Variants in ARAP2 observed in about 807,000 individuals in gnomAD.
ARAP2 encodes the protein ArfGAP with RhoGAP domain, ankyrin repeat and PH domain 2.
ARAP2 carries 148 observed loss-of-function variants against 194.5 expected under a neutral mutation model. That is an observed-to-expected ratio of 0.76 (90% CI 0.67 to 0.87). ARAP2 has a LOEUF of 0.87. Ranked by LOEUF, ARAP2 falls within the 40% of genes least tolerant of loss-of-function variation. The pLI is 0.00. For synonymous variants in ARAP2, 695 were observed against 683.5 expected (o/e 1.02, Z -0.26); for missense variants, 2,128 against 1,989.7 (o/e 1.07, Z -1.32).
At chr4:36,166,079 A>T (rs1012428665) in intron 10 of ARAP2, among the ~76,000 whole-genome samples, 9 of 152,162 alleles carry the variant, frequency 5.9e-5, no homozygotes, top group African/African-American at 2.2e-4. Context: ...AAATGTAAAA[A>T]TAAAGCTTGT....
At chr4:36,009,292 G>T (rs533807791) in intron 9 of ARAP2, among the ~76,000 whole-genome samples, 12 of 152,262 alleles carry the variant, frequency 7.9e-5, no homozygotes, top group Non-Finnish European at 1.8e-4. Context: ...CTACCCAGGT[G>T]TCCATGAACA....
intron 8 of ARAP2, among the ~76,000 whole-genome samples, chr4:36,187,161 C>A (rs1295836149): frequency 6.6e-6 from 1 of 152,154 alleles, no homozygotes; most frequent in African/African-American, 2.4e-5. Context: ...AAGGTTAGCT[C>A]CACGAAAGCA....
intron 19 of ARAP2, among the ~76,000 whole-genome samples, chr4:36,142,817 A>C (rs1728667420): frequency 6.6e-6 from 1 of 151,738 alleles, no homozygotes; most frequent in African/African-American, 2.4e-5. Context: ...AATCACCCTA[A>C]GTAATTTCAC....
intron 26 of ARAP2, among the ~76,000 whole-genome samples, chr4:36,108,083 A>T (rs538929488): frequency 6.6e-6 from 1 of 151,920 alleles, no homozygotes; most frequent in South Asian, 2.1e-4. Flanking sequence ...CCTAGGCTGG[A>T]GTGCAGTGAT....
chr4:36,181,431 G>A (rs1322203311), intron 8 of ARAP2, among the ~76,000 whole-genome samples: 2 of 151,804 alleles, frequency 1.3e-5, no homozygotes, highest in Non-Finnish European at 2.9e-5. Flanking sequence ...AAGAAAAATC[G>A]AGACAATATT....
At chr4:36,188,275 T>C (rs908268527) in intron 7 of ARAP2, among the ~76,000 whole-genome samples, 3 of 152,324 alleles carry the variant, frequency 2.0e-5, no homozygotes, top group South Asian at 2.1e-4. Context: ...CAACTCTTTA[T>C]GTTTTCTGGG....
intron 7 of ARAP2, among the ~76,000 whole-genome samples, chr4:36,188,633 A>G (rs528550851): frequency 2.8e-4 from 43 of 152,204 alleles, no homozygotes; most frequent in Non-Finnish European, 5.9e-4. Context: ...CCAAGGACAC[A>G]TTATAGAAGG....
chr4:36,060,429 ATG>A (rs1724240471), intron 1 of ARAP2, among the ~76,000 whole-genome samples: 1 of 152,136 alleles, frequency 6.6e-6, no homozygotes, highest in Non-Finnish European at 1.5e-5. Context: ...ACATCTCAAC[ATG>A]TCTTTCTTTT....
intron 5 of ARAP2, among the ~76,000 whole-genome samples, chr4:36,045,288 T>C (rs893947234): frequency 2.0e-5 from 3 of 152,120 alleles, no homozygotes; most frequent in African/African-American, 7.2e-5. Flanking sequence ...ATAGAAACAA[T>C]TTAAATATCC....
In ARAP2 at chr4:36,128,643, G is replaced by C; in HGVS notation, c.3530C>G (p.Ala1177Gly). 1 of 1,612,806 alleles carries C rather than the reference G, an allele frequency of 6.2e-7. No homozygotes were observed. Among genetic ancestry groups the C allele is most frequent in the East Asian group, 2.2e-5 (1 of 44,722 alleles). ...CACATCTTCAAGCTGATGTTTTCCA[G>C]CCCTCAATTTAAAGCTTCTTGCATC... ...KKDARSFKLRAGKHQLEDVTA... is the reference protein window; with the variant it reads ...KKDARSFKLRGGKHQLEDVTA... Residue 1177 changes from alanine to glycine, a missense_variant, in exon 21 of 33, where the codon GCT becomes GGT. Transcript: ENST00000303965.
At chr4:36,015,300 TAAC>T (rs887522761) in intron 8 of ARAP2, 1 of 152,246 alleles carries the variant, frequency 6.6e-6, no homozygotes. Context: ...GTTAAATGTC[TAAC>T]AACATCAAGT....
chr4:36,216,255 C>A (rs920997165), intron 2 of ARAP2, among the ~76,000 whole-genome samples: 2 of 151,928 alleles, frequency 1.3e-5, no homozygotes, highest in African/African-American at 2.4e-5. Context: ...GACCCTGTCT[C>A]AAAAAATAAA....
chr4:36,181,230 A>G (rs1398706891), intron 8 of ARAP2, among the ~76,000 whole-genome samples: 1 of 152,208 alleles, frequency 6.6e-6, no homozygotes, highest in East Asian at 1.9e-4. Flanking sequence ...GGCTCTAAGA[A>G]TAGCATTCCA....
At chr4:36,029,182 T>C (rs577986633) in intron 5 of ARAP2, among the ~76,000 whole-genome samples, 44 of 152,166 alleles carry the variant, frequency 2.9e-4, no homozygotes, top group Non-Finnish European at 5.9e-4. Context: ...TTAGCCTATC[T>C]TGGACTAAGC....
rs1316684872 is a variant in ARAP2 at position 36,114,192 on chromosome 4, T to C, written c.4134A>G (p.Glu1378=). The C allele has an allele frequency of 6.3e-7, 1 of 1,598,786 alleles. No homozygotes were observed. The highest frequency in any genetic ancestry group is 8.6e-7 in the Non-Finnish European group (1 of 1,167,904). ...PTKGDIWATF[E]VIENEELERP... ...TACCTAGCTCTTCATTTTCAATGAC[T>C]TCAAATGTGGCCCAAATATCACCTT... The change falls in exon 26 of 33, where the codon GAA becomes GAG. Residue 1378 remains glutamate, a synonymous_variant. Coordinates refer to ENST00000303965, the MANE Select transcript of ARAP2 (RefSeq NM_015230.4).
chr4:36,070,550 T>C (rs781470593), intron 32 of ARAP2, among the ~76,000 whole-genome samples: 5 of 152,198 alleles, frequency 3.3e-5, no homozygotes, highest in Non-Finnish European at 5.9e-5. Flanking sequence ...GTTTTACTTA[T>C]CATAGCTAGA....
chr4:36,005,713 C>T (rs1268604462), intron 10 of ARAP2: 1 of 152,078 alleles, frequency 6.6e-6, no homozygotes, highest in African/African-American at 2.4e-5. Context: ...TCTAGTAAAT[C>T]ATGTCTTTCA....
At chr4:36,117,765 G>A (rs962198090) in intron 24 of ARAP2, among the ~76,000 whole-genome samples, 2 of 151,534 alleles carry the variant, frequency 1.3e-5, no homozygotes, top group Admixed American at 1.3e-4. Flanking sequence ...CTTTGGCCAA[G>A]AATTAAGTAC....
chr4:36,073,012 C>A (rs1447056485), intron 32 of ARAP2, among the ~76,000 whole-genome samples: 1 of 152,168 alleles, frequency 6.6e-6, no homozygotes, highest in Non-Finnish European at 1.5e-5. Context: ...CACCTTCTAA[C>A]TGCTTTTCTT....
Sources: gnomAD v4.1 joint callset for allele counts (sites outside exome capture counted in the v4.1 genomes callset) on GRCh38, gnomAD v4.1.1 for gene constraint, MANE v1.5 for transcripts, NCBI Gene and HGNC (gene_info 2026-07-23, HGNC 2026-07-21) for gene names.